Variants in HECW1 observed in about 807,000 individuals in gnomAD.
HECW1 encodes the protein HECT, C2 and WW domain containing E3 ubiquitin protein ligase 1.
A neutral mutation model predicts 182.3 loss-of-function variants in HECW1; 61 were observed. The ratio of observed to expected loss-of-function variants is 0.33; its 90% CI spans 0.27 to 0.41. HECW1 has a LOEUF of 0.41. Among genes scored for constraint, HECW1 ranks in the 10% least tolerant of loss-of-function variants. The pLI, the probability that HECW1 is intolerant of heterozygous loss-of-function variation, is 1.00. For missense variants in HECW1, 1,739 were observed against 2,108.9 expected, an observed-to-expected ratio of 0.82 and a Z score of 3.44; for synonymous variants, 859 against 832.6, an observed-to-expected ratio of 1.03 and a Z score of -0.55.
rs35096209 is a variant in HECW1, at chr7:43,432,145, CTTT to C, written c.802-5848_802-5846del. ...ACCCGGCCAGTTGTTTATTTTATTT[CTTT>C]TTTTTTTTTGAGACGGAGTCTCGCT... On this transcript the variant is annotated intron_variant, in intron 8 of 29. Transcript: ENST00000395891. This position sits in a 1 kb window ranked among gnomAD's most constrained non-coding sequence, Gnocchi z 4.1. 6.9e-6 allele frequency among the ~76,000 whole-genome samples: 1 copy of C among 144,464 alleles called. No individual in the cohort carries two copies. The highest frequency in any genetic ancestry group is 1.5e-5 in the Non-Finnish European group (1 of 65,852). 94.8% of individuals were successfully genotyped at this position (144,464 alleles called of 152,430 possible). A position where few individuals can be genotyped will look rare whatever the true frequency, so the allele number is the denominator to read the frequency against.
intron 2 of HECW1, among the ~76,000 whole-genome samples, chr7:43,165,410 TTGTGTGTGTGCACACAGGTA>T (rs1791004308): frequency 6.7e-6 from 1 of 150,276 alleles, no homozygotes; most frequent in African/African-American, 2.5e-5. Flanking sequence ...GGGGGGGTGT[TTGTGTGTGTGCACACAGGTA>T]TGTGTGTGTG....
At chr7:43,186,063 G>A (rs779602062) in intron 2 of HECW1, among the ~76,000 whole-genome samples, 1 of 152,104 alleles carries the variant, frequency 6.6e-6, no homozygotes, top group African/African-American at 2.4e-5. Context: ...GTGGTTTCCA[G>A]GGCTCACTTG....
intron 2 of HECW1, 102 bp downstream of exon 2, chr7:43,114,493 T>G: frequency 9.6e-7 from 1 of 1,037,994 alleles, no homozygotes; most frequent in Non-Finnish European, 1.3e-6. Context: ...GTGTGCCTGT[T>G]TGGTAGAGAG....
At chr7:43,463,477 T>A (rs1046446514) in intron 13 of HECW1, among the ~76,000 whole-genome samples, 183 bp from the exon 14 acceptor site, 1 of 152,192 alleles carries the variant, frequency 6.6e-6, no homozygotes, top group Non-Finnish European at 1.5e-5. Flanking sequence ...CAAAAAGAAC[T>A]TGAATCGTCT....
intron 5 of HECW1, among the ~76,000 whole-genome samples, chr7:43,354,176 A>G (rs143162812): frequency 2.6e-4 from 37 of 142,572 alleles, no homozygotes; most frequent in African/African-American, 9.7e-4. Flanking sequence ...CTACACAAAC[A>G]TATCCAATAA....
chr7:43,522,688 C>A, intron 24 of HECW1: 1 of 163,080 alleles, frequency 6.1e-6, no homozygotes, highest in Non-Finnish European at 1.3e-5. Flanking sequence ...AAGCAAACCA[C>A]TGGTGGGGAT....
intron 3 of HECW1, among the ~76,000 whole-genome samples, chr7:43,304,583 C>T (rs1249407606): frequency 3.3e-5 from 5 of 152,028 alleles, no homozygotes; most frequent in African/African-American, 1.2e-4. Flanking sequence ...CTCCACCTCC[C>T]TGGTTCAAGC....
rs1329433883 is a variant in HECW1 at position 43,562,774 on chromosome 7, C to A, written c.*848C>A. On this transcript the variant is annotated 3_prime_UTR_variant, in exon 30 of 30. Coordinates refer to ENST00000395891, the MANE Select transcript of HECW1 (RefSeq NM_015052.5). ...TAGCATGAAGGATGAGGCTTCAGCCCCCATTGTCTTATGTAGAATGTGGCA... is the reference window on the plus strand; with the variant it reads ...TAGCATGAAGGATGAGGCTTCAGCCACCATTGTCTTATGTAGAATGTGGCA... 1 of 217,190 alleles carries A rather than the reference C, an allele frequency of 4.6e-6. No individual in the cohort carries two copies. Among genetic ancestry groups the A allele is most frequent in the Non-Finnish European group, 9.3e-6 (1 of 107,886 alleles). The allele number at this position is 217,190 out of a possible 1,614,324, so 13.5% of individuals were successfully genotyped here.
At chr7:43,381,325 T>C (rs2074541365) in intron 6 of HECW1, among the ~76,000 whole-genome samples, 1 of 152,110 alleles carries the variant, frequency 6.6e-6, no homozygotes, top group South Asian at 2.1e-4. Context: ...TTTTATTTAT[T>C]TATTTACTTC....
At chr7:43,386,674 G>A (rs1275129535) in intron 6 of HECW1, among the ~76,000 whole-genome samples, 2 of 152,034 alleles carry the variant, frequency 1.3e-5, no homozygotes, top group Non-Finnish European at 2.9e-5. Flanking sequence ...TTCCCCACCA[G>A]CTTCAGCTGT....
intron 2 of HECW1, among the ~76,000 whole-genome samples, chr7:43,208,479 GC>G (rs1795696673): frequency 6.6e-6 from 1 of 152,184 alleles, no homozygotes; most frequent in Non-Finnish European, 1.5e-5. Flanking sequence ...TTCACCTGCT[GC>G]CTCTCCTGGT....
At chr7:43,155,563 A>C (rs757929229) in intron 2 of HECW1, among the ~76,000 whole-genome samples, 2 of 152,208 alleles carry the variant, frequency 1.3e-5, no homozygotes, top group Non-Finnish European at 2.9e-5. Flanking sequence ...AAAGAATTTT[A>C]TATATATGTA....
intron 2 of HECW1, among the ~76,000 whole-genome samples, chr7:43,190,397 C>G (rs1793802395): frequency 6.6e-6 from 1 of 152,180 alleles, no homozygotes; most frequent in African/African-American, 2.4e-5. Context: ...CAGGCGTGAG[C>G]CCCTGCGCCT....
chr7:43,134,790 C>T (rs764144271), intron 2 of HECW1, among the ~76,000 whole-genome samples: 1 of 151,950 alleles, frequency 6.6e-6, no homozygotes. Flanking sequence ...TGACTTTTTC[C>T]CCAAGACTCT....
intron 2 of HECW1, among the ~76,000 whole-genome samples, chr7:43,211,485 C>T (rs1439090418): frequency 6.6e-6 from 1 of 152,144 alleles, no homozygotes; most frequent in Non-Finnish European, 1.5e-5. Flanking sequence ...CCTCAGGGAA[C>T]TCACAGTCTC....
chr7:43,207,051 A>AT (rs997169289), intron 2 of HECW1, among the ~76,000 whole-genome samples: 2 of 151,882 alleles, frequency 1.3e-5, no homozygotes, highest in African/African-American at 4.8e-5. Flanking sequence ...TTAAATTTTT[A>AT]TTTTTTTATT....
chr7:43,521,174 G>A (rs532092782), intron 24 of HECW1, among the ~76,000 whole-genome samples: 5 of 152,322 alleles, frequency 3.3e-5, no homozygotes, highest in East Asian at 1.9e-4. Context: ...AATCACCAAC[G>A]TGATGATATT....
chr7:43,242,452 A>C (rs1798976318), intron 2 of HECW1, among the ~76,000 whole-genome samples: 1 of 152,228 alleles, frequency 6.6e-6, no homozygotes. Flanking sequence ...CAAGTTCCTG[A>C]CAGGGAGCTC....
In HECW1 at chr7:43,444,427, G is replaced by A. The variant is rs2152877501; in HGVS notation, c.1255G>A (p.Ala419Thr). The change falls in exon 11 of 30, where the codon GCA becomes ACA. Residue 419 changes from alanine to threonine, a missense_variant. By Grantham distance (58) the Ala-to-Thr change is moderately conservative. Around this residue, in one of 5 missense-constraint regions of HECW1, gnomAD observed 971 missense variants for 1,029.1 expected, o/e 0.94. Coordinates refer to ENST00000395891, the MANE Select transcript of HECW1 (RefSeq NM_015052.5). This position sits in a 1 kb window ranked among gnomAD's most constrained non-coding sequence, Gnocchi z 4.3. ...SIELSRPAEE[A>T]AVITEAGDQG... ...AGAGCTTTCCAGACCAGCTGAGGAA[G>A]CAGCAGTCATCACGGAGGCAGGAGA... is the stretch of plus-strand genomic sequence containing the variant. The A allele has an allele frequency of 6.2e-7, 1 of 1,614,050 alleles. No individual in the cohort carries two copies. The highest frequency in any genetic ancestry group is 8.5e-7 in the Non-Finnish European group (1 of 1,179,982).
Sources: gnomAD v4.1 joint callset for allele counts (sites outside exome capture counted in the v4.1 genomes callset) on GRCh38, gnomAD v4.1.1 for gene constraint, gnomAD v4.1.1 regional missense constraint, Gnocchi (gnomAD v3.1) non-coding constraint, MANE v1.5 for transcripts, NCBI Gene and HGNC (gene_info 2026-07-23, HGNC 2026-07-21) for gene names.